The following GFM2 variants were observed in gnomAD, a reference collection of about 807,000 sequenced individuals.
GFM2 encodes the protein GTP dependent ribosome recycling factor mitochondrial 2.
In GFM2, 72 loss-of-function variants were observed where a neutral mutation model predicts 95.4. The ratio of observed to expected loss-of-function variants is 0.76; its 90% confidence interval spans 0.62 to 0.92. GFM2 has a LOEUF of 0.92. Ranked by LOEUF, GFM2 falls within the 40% of genes least tolerant of loss-of-function variation. GFM2 has a pLI of 0.00. For missense variants in GFM2, 825 were observed against 924.1 expected (o/e 0.89, Z 1.39); for synonymous variants, 276 against 317.5 (o/e 0.87, Z 1.39).
At chr5:74,729,467 C>G (rs183175365) in intron 17 of GFM2, among the ~76,000 whole-genome samples, 15 of 152,258 alleles carry the variant, frequency 9.9e-5, no homozygotes, top group African/African-American at 3.4e-4. Context: ...CTGGAAAATT[C>G]TATTACATTC....
rs570490277 is a variant in GFM2 at position 74,739,287 on chromosome 5, A to G, written c.1080-645T>C. ...CCTCCAATTTTTAACTTTAATACATACTAATATAGAGCTTACTATACCAGG... is the reference window on the plus strand; with the variant it reads ...CCTCCAATTTTTAACTTTAATACATGCTAATATAGAGCTTACTATACCAGG... On this transcript the variant is annotated intron_variant, in intron 12 of 20. Coordinates refer to ENST00000296805, the MANE Select transcript of GFM2 (RefSeq NM_032380.5). Among the ~76,000 whole-genome samples, 4 of 152,268 alleles carry G rather than the reference A, an allele frequency of 2.6e-5. No individual in the cohort carries two copies. The South Asian group carries it at 8.3e-4, about 32-fold the overall frequency.
rs1749896880 is a variant in GFM2, at chr5:74,721,768, G to T, written c.2227C>A (p.Leu743Ile). ...GCTGAGCCTGATGTTAGCGTTCGAAGCACAGTTGAATAACCCTAATCAAAA... is the reference window on the plus strand; with the variant it reads ...GCTGAGCCTGATGTTAGCGTTCGAATCACAGTTGAATAACCCTAATCAAAA... The part of the protein sequence containing the change: ...LAEIMGYSTV[L>I]RTLTSGSATF... Residue 743 changes from leucine (L) to isoleucine (I), a missense_variant, in exon 21 of 21, where the codon CTT becomes ATT. Leu to Ile is a conservative substitution (Grantham distance 5). Coordinates refer to ENST00000296805, the MANE Select transcript of GFM2 (RefSeq NM_032380.5). The T allele has an allele frequency of 2.5e-6, 4 of 1,612,258 alleles. No homozygotes were observed. The highest frequency in any genetic ancestry group is 3.4e-6 in the Non-Finnish European group (4 of 1,179,306).
chr5:74,742,368 A>G (rs897133404), intron 10 of GFM2, among the ~76,000 whole-genome samples: 39 of 152,108 alleles, frequency 2.6e-4, no homozygotes, highest in South Asian at 2.1e-4. Flanking sequence ...CTGGAATCAG[A>G]CTACCTAGAA....
At chr5:74,748,847 A>G (rs1303948560) in intron 7 of GFM2, among the ~76,000 whole-genome samples, 1 of 148,140 alleles carries the variant, frequency 6.8e-6, no homozygotes, top group East Asian at 2.0e-4. Flanking sequence ...CCTGGGCGAC[A>G]GAGTGAGACT....
chr5:74,725,638 AC>A lies in GFM2; in HGVS notation c.2028+1del. 6.3e-7 allele frequency: 1 copy of A among 1,590,296 alleles called. No homozygotes were observed. Among genetic ancestry groups the A allele is most frequent in the Non-Finnish European group, 8.6e-7 (1 of 1,158,500 alleles). Reference sequence around the variant, plus strand: ...GCCATAAGGATTAGGATAGTTCTATACCTTTTGCACGCATCTTGAGACACAG... The same window carrying A: ...GCCATAAGGATTAGGATAGTTCTATACTTTTGCACGCATCTTGAGACACAG... On this transcript the variant is annotated splice_donor_variant, in intron 19 of 20. Coordinates refer to ENST00000296805, the MANE Select transcript of GFM2 (RefSeq NM_032380.5). LOFTEE classifies it high-confidence loss of function.
At chr5:74,726,180 G>A (rs1156415937) in intron 17 of GFM2, 54 bp from the exon 18 acceptor site, 3 of 1,398,706 alleles carry the variant, frequency 2.1e-6, no homozygotes, top group South Asian at 1.3e-5. Flanking sequence ...AAGGTATCAA[G>A]GTACTATAAA....
At chr5:74,723,720 C>G (rs1750023023) in intron 19 of GFM2, among the ~76,000 whole-genome samples, 1 of 152,140 alleles carries the variant, frequency 6.6e-6, no homozygotes, top group Non-Finnish European at 1.5e-5. Context: ...CCCCTGCCTT[C>G]ATCTGGTACT....
intron 1 of GFM2, among the ~76,000 whole-genome samples, chr5:74,764,778 GTTT>G (rs757160377): frequency 4.3e-5 from 3 of 70,488 alleles, no homozygotes; most frequent in African/African-American, 1.9e-4. Flanking sequence ...TCCCTTTGTT[GTTT>G]TTTTTTTTTT....
intron 16 of GFM2, among the ~76,000 whole-genome samples, chr5:74,732,700 T>C (rs938910482): frequency 5.3e-5 from 8 of 152,104 alleles, no homozygotes; most frequent in Non-Finnish European, 5.9e-5. Flanking sequence ...AGCCTTAACG[T>C]AAAAGGCTCA....
intron 10 of GFM2, among the ~76,000 whole-genome samples, chr5:74,742,685 G>C (rs1344321916): frequency 8.0e-6 from 1 of 124,594 alleles, no homozygotes; most frequent in Admixed American, 7.8e-5. Flanking sequence ...TTTTTTTTTT[G>C]ATACGGAGTC....
At chr5:74,739,115 G>A (rs911103998) in intron 12 of GFM2, among the ~76,000 whole-genome samples, 12 of 152,050 alleles carry the variant, frequency 7.9e-5, no homozygotes, top group African/African-American at 2.7e-4. Flanking sequence ...GTAATCACTG[G>A]TAAGTTTTAG....
intron 7 of GFM2, 53 bp downstream of exon 7, chr5:74,750,526 T>C: frequency 7.6e-7 from 1 of 1,319,498 alleles, no homozygotes; most frequent in South Asian, 1.3e-5. Flanking sequence ...CATATTCTAC[T>C]TTTTAAAAAA....
intron 6 of GFM2, 49 bp downstream of exon 6, chr5:74,751,315 CAAAA>C (rs978273171): frequency 1.9e-6 from 3 of 1,549,462 alleles, no homozygotes. Context: ...CCCAGAAAAA[CAAAA>C]AAACTCCAAA....
chr5:74,738,433 T>G lies in GFM2; in HGVS notation c.1221-16A>C. The G allele has an allele frequency of 6.2e-7, 1 of 1,611,724 alleles. No individual in the cohort carries two copies. The highest frequency in any genetic ancestry group is 8.5e-7 in the Non-Finnish European group (1 of 1,178,938). On this transcript the variant is annotated splice_polypyrimidine_tract_variant and intron_variant, in intron 13 of 20. Transcript: ENST00000296805. ...TATTCTCTCCCTGTAAAATCACAAT[T>G]TTATGTTAGTAAAAGTATTTTTAAA...
chr5:74,733,077 C>T lies in GFM2; in HGVS notation c.1532G>A (p.Cys511Tyr), dbSNP rs748624794. 1 of 1,611,388 alleles carries T rather than the reference C, an allele frequency of 6.2e-7. No homozygotes were observed. Among genetic ancestry groups the T allele is most frequent in the Non-Finnish European group, 8.5e-7 (1 of 1,177,676 alleles). ...CAAACTGGGATCTTCACGCTGAAGA[C>T]ATTTCAACGCATGTTCCAAATCTAT... is the stretch of plus-strand genomic sequence containing the variant. ...KQPDLEHALK[C>Y]LQREDPSLKV... The change falls in exon 16 of 21, where the codon TGT (cysteine) becomes TAT (tyrosine). Residue 511 changes from cysteine (C) to tyrosine (Y), a missense_variant. Transcript: ENST00000296805.
chr5:74,760,378 C>G (rs1303137547), intron 3 of GFM2, among the ~76,000 whole-genome samples: 1 of 152,084 alleles, frequency 6.6e-6, no homozygotes, highest in Admixed American at 6.6e-5. Context: ...CAGAATTAAA[C>G]TAGTTTCATA....
intron 14 of GFM2, among the ~76,000 whole-genome samples, chr5:74,737,331 AG>A (rs1256712992): frequency 6.6e-6 from 1 of 152,220 alleles, no homozygotes; most frequent in Non-Finnish European, 1.5e-5. Flanking sequence ...ACCACCCATA[AG>A]AATTTATTCC....
At chr5:74,751,241 A>G in intron 6 of GFM2, 127 bp downstream of exon 6, 1 of 839,144 alleles carries the variant, frequency 1.2e-6, no homozygotes, top group South Asian at 1.8e-5. Context: ...ACACTTAAAA[A>G]TGGTTGAGAT....
intron 9 of GFM2, 27 bp from the exon 10 acceptor site, chr5:74,745,884 A>C: frequency 6.4e-7 from 1 of 1,562,806 alleles, no homozygotes; most frequent in South Asian, 1.1e-5. Flanking sequence ...GATTAACATT[A>C]TTACATGATC....
Sources: gnomAD v4.1 joint callset for allele counts (sites outside exome capture counted in the v4.1 genomes callset) on GRCh38, gnomAD v4.1.1 for gene constraint, MANE v1.5 for transcripts, NCBI Gene and HGNC (gene_info 2026-07-23, HGNC 2026-07-21) for gene names.